The following ANKFY1 variants were observed in gnomAD, a reference collection of about 807,000 sequenced individuals.
The protein encoded by ANKFY1 is ankyrin repeat and FYVE domain-containing protein 1.
ANKFY1 carries 47 observed loss-of-function variants against 128.3 expected under a neutral mutation model. That is an observed-to-expected ratio of 0.37 (90% CI 0.29 to 0.47). The LOEUF (loss-of-function observed/expected upper bound fraction) is 0.47. Among genes scored for constraint, ANKFY1 ranks in the 20% least tolerant of loss-of-function variants. The pLI is 1.00. For synonymous variants in ANKFY1, 553 were observed against 601.6 expected, an observed-to-expected ratio of 0.92 and a Z score of 1.18; for missense variants, 1,222 against 1,510.6, an observed-to-expected ratio of 0.81 and a Z score of 3.17.
At chr17:4,203,098 G>A (rs930264796) in intron 7 of ANKFY1, among the ~76,000 whole-genome samples, 6 of 151,782 alleles carry the variant, frequency 4.0e-5, no homozygotes. Flanking sequence ...TAAAGGAAAA[G>A]GACAACTGAT....
chr17:4,180,220 G>A (rs765700281), intron 16 of ANKFY1: 83 of 226,166 alleles, frequency 3.7e-4, no homozygotes, highest in Middle Eastern at 1.6e-3. Flanking sequence ...CTCAGGTCAG[G>A]AGTCCACGAC....
chr17:4,255,891 C>T (rs1968090733), intron 1 of ANKFY1, among the ~76,000 whole-genome samples: 1 of 151,890 alleles, frequency 6.6e-6, no homozygotes, highest in African/African-American at 2.4e-5. Context: ...GATCTCAGCT[C>T]ACTGCAACCT....
chr17:4,238,530 G>C (rs1017295691), intron 2 of ANKFY1, among the ~76,000 whole-genome samples: 3 of 151,596 alleles, frequency 2.0e-5, no homozygotes, highest in East Asian at 3.9e-4. Flanking sequence ...CTGGAGTACA[G>C]TGGCACAATC....
intron 8 of ANKFY1, among the ~76,000 whole-genome samples, chr17:4,196,765 A>G (rs985532174): frequency 2.0e-5 from 3 of 152,222 alleles, no homozygotes; most frequent in Non-Finnish European, 4.4e-5. Flanking sequence ...AAGAAATGCT[A>G]CAAGGTTTCC....
intron 4 of ANKFY1, among the ~76,000 whole-genome samples, chr17:4,216,278 T>C (rs2060219824): frequency 6.6e-6 from 1 of 152,204 alleles, no homozygotes; most frequent in Non-Finnish European, 1.5e-5. Context: ...CATTACTTTA[T>C]GCACCCAAGG....
chr17:4,210,095 A>G, intron 4 of ANKFY1, 148 bp from the exon 5 acceptor site: 1 of 581,036 alleles, frequency 1.7e-6, no homozygotes, highest in Middle Eastern at 3.9e-4. Context: ...AATAAATTAC[A>G]GTTGGTCTCC....
intron 4 of ANKFY1, among the ~76,000 whole-genome samples, chr17:4,215,041 C>G (rs985605502): frequency 6.6e-6 from 1 of 152,080 alleles, no homozygotes; most frequent in South Asian, 2.1e-4. Context: ...GTAATCCCAG[C>G]ACTTTGGGAG....
intron 4 of ANKFY1, among the ~76,000 whole-genome samples, chr17:4,216,065 C>G (rs2060216208): frequency 6.6e-6 from 1 of 152,212 alleles, no homozygotes. Context: ...TTAAAATGCA[C>G]TCAAACCCAC....
chr17:4,207,867 A>G, intron 6 of ANKFY1, 66 bp downstream of exon 6: 2 of 1,467,358 alleles, frequency 1.4e-6, no homozygotes, highest in Non-Finnish European at 1.8e-6. Flanking sequence ...AGTGAGAAGT[A>G]CCACGGAGAA....
At chr17:4,216,858 G>T (rs771461383) in intron 4 of ANKFY1, 125 bp downstream of exon 4, 3 of 1,329,530 alleles carry the variant, frequency 2.3e-6, no homozygotes, top group South Asian at 2.5e-5. Flanking sequence ...CCCCAGCATC[G>T]CCTTTAAAGG....
chr17:4,170,837 C>T lies in ANKFY1; in HGVS notation c.3164G>A (p.Gly1055Glu). ...STVLLLAYMK[G>E]NANLCRAIVR... is the part of the protein sequence containing the mutation. ...GATGGCGCGGCACAAGTTGGCGTTCCCTTTCATGTATGCCAGGAGCAGCAC... is the reference window on the plus strand; with the variant it reads ...GATGGCGCGGCACAAGTTGGCGTTCTCTTTCATGTATGCCAGGAGCAGCAC... Residue 1055 changes from glycine (G) to glutamate (E), a missense_variant, in exon 23 of 25, where the codon GGG (glycine) becomes GAG (glutamate). Gly to Glu is a moderately conservative substitution (Grantham distance 98). Coordinates refer to ENST00000341657, the MANE Select transcript of ANKFY1 (RefSeq NM_001330063.2). 6.2e-7 allele frequency: 1 copy of T among 1,614,158 alleles called. No individual in the cohort carries two copies. Among genetic ancestry groups the T allele is most frequent in the Non-Finnish European group, 8.5e-7 (1 of 1,180,026 alleles).
chr17:4,217,223 C>T, intron 3 of ANKFY1, 105 bp from the exon 4 acceptor site: 1 of 1,299,126 alleles, frequency 7.7e-7, no homozygotes, highest in South Asian at 1.3e-5. Context: ...TGACAGTATA[C>T]CCAACTTAAA....
chr17:4,258,523 C>CAA (rs547310575), intron 1 of ANKFY1, among the ~76,000 whole-genome samples: 16 of 90,134 alleles, frequency 1.8e-4, no homozygotes, highest in African/African-American at 2.6e-4. Context: ...GACTCCAACT[C>CAA]AAAAAAAAAA....
intron 16 of ANKFY1, 29 bp from the exon 17 acceptor site, chr17:4,179,906 C>A (rs201894249): frequency 3.1e-6 from 5 of 1,613,040 alleles, no homozygotes; most frequent in Non-Finnish European, 4.2e-6. Flanking sequence ...TTTTAAAAAA[C>A]GCCACGCTTG....
chr17:4,229,569 A>T (rs1052987337), intron 3 of ANKFY1, among the ~76,000 whole-genome samples: 1 of 152,256 alleles, frequency 6.6e-6, no homozygotes. Flanking sequence ...AAGAACAATG[A>T]ACCTAAACCA....
intron 3 of ANKFY1, among the ~76,000 whole-genome samples, chr17:4,220,802 G>A (rs1011852725): frequency 1.2e-4 from 18 of 152,318 alleles, no homozygotes; most frequent in Admixed American, 2.0e-4. Flanking sequence ...TGGGTAAATC[G>A]TCCACACTGT....
chr17:4,213,350 C>T (rs1277325809), intron 4 of ANKFY1, among the ~76,000 whole-genome samples: 16 of 151,742 alleles, frequency 1.1e-4, no homozygotes, highest in Admixed American at 3.9e-4. Context: ...CCACCACGAC[C>T]GGCTAATTTT....
intron 7 of ANKFY1, among the ~76,000 whole-genome samples, chr17:4,198,698 AT>A (rs2059873131): frequency 6.6e-6 from 1 of 152,144 alleles, no homozygotes; most frequent in Non-Finnish European, 1.5e-5. Context: ...ATCTCATTAT[AT>A]ACACATAACT....
At chr17:4,223,839 C>G in intron 3 of ANKFY1, 1 of 1,180,648 alleles carries the variant, frequency 8.5e-7, no homozygotes, top group Non-Finnish European at 1.2e-6. Flanking sequence ...ACTCTTCTCT[C>G]GCAATCCCAC....
Sources: gnomAD v4.1 joint callset for allele counts (sites outside exome capture counted in the v4.1 genomes callset) on GRCh38, gnomAD v4.1.1 for gene constraint, MANE v1.5 for transcripts, NCBI Gene and HGNC (gene_info 2026-07-23, HGNC 2026-07-21) for gene names.